CREB5: variants seen among roughly 807,000 people sequenced by gnomAD.
CREB5 encodes cyclic AMP-responsive element-binding protein 5.
CREB5 carries 19 observed loss-of-function variants against 57.1 expected under a neutral mutation model. The ratio of observed to expected loss-of-function variants is 0.33; its 90% CI spans 0.23 to 0.49. CREB5 has a LOEUF of 0.49. CREB5 is among the 20% of genes least tolerant of loss of function. The pLI is 0.99. For synonymous variants in CREB5, 238 were observed against 238.3 expected, an observed-to-expected ratio of 1.00 and a Z score of 0.01; for missense variants, 579 against 671.6, an observed-to-expected ratio of 0.86 and a Z score of 1.52.
chr7:28,711,964 T>C (rs908025687), intron 5 of CREB5, among the ~76,000 whole-genome samples: 1 of 152,188 alleles, frequency 6.6e-6, no homozygotes, highest in African/African-American at 2.4e-5. Flanking sequence ...TTTAGTATAT[T>C]CAACTGCTCA....
At chr7:28,797,960 G>GAA (rs59850606) in intron 7 of CREB5, among the ~76,000 whole-genome samples, 141 of 149,236 alleles carry the variant, frequency 9.4e-4, no homozygotes, top group Middle Eastern at 3.4e-3. Flanking sequence ...TTTGGAAAGT[G>GAA]AAAAAAAAAA....
chr7:28,703,402 G>A (rs1374825233), intron 5 of CREB5, among the ~76,000 whole-genome samples: 1 of 152,090 alleles, frequency 6.6e-6, no homozygotes, highest in Non-Finnish European at 1.5e-5. Flanking sequence ...GAAATATGAG[G>A]GGAAAGATCT....
At chr7:28,569,609 C>T (rs1433652411) in intron 4 of CREB5, among the ~76,000 whole-genome samples, 1 of 152,128 alleles carries the variant, frequency 6.6e-6, no homozygotes, top group African/African-American at 2.4e-5. Flanking sequence ...TGTGGAATGC[C>T]TACTATGGTC....
chr7:28,767,044 A>C (rs1806043394), intron 7 of CREB5, among the ~76,000 whole-genome samples: 1 of 152,236 alleles, frequency 6.6e-6, no homozygotes. Flanking sequence ...TTGTTTTAAC[A>C]AAGAGTAATA....
chr7:28,624,752 T>C (rs1306746243), intron 5 of CREB5, among the ~76,000 whole-genome samples: 2 of 151,396 alleles, frequency 1.3e-5, no homozygotes, highest in African/African-American at 4.9e-5. Context: ...CTCGCTGAAC[T>C]TCTGTTAATT....
At chr7:28,323,072 T>C (rs756035520) in intron 1 of CREB5, among the ~76,000 whole-genome samples, 6 of 152,178 alleles carry the variant, frequency 3.9e-5, no homozygotes, top group Non-Finnish European at 8.8e-5. Context: ...CCTCCCTTAG[T>C]GCCCTCATTT....
At chr7:28,815,724 C>T (rs1280655435) in intron 9 of CREB5, among the ~76,000 whole-genome samples, 1 of 151,894 alleles carries the variant, frequency 6.6e-6, no homozygotes, top group African/African-American at 2.4e-5. Flanking sequence ...GTTTCATTGC[C>T]CAGGACATAG....
intron 4 of CREB5, among the ~76,000 whole-genome samples, chr7:28,538,211 G>A (rs545058485): frequency 8.5e-5 from 13 of 152,104 alleles, no homozygotes; most frequent in East Asian, 1.9e-4. Context: ...TCCCCACCAC[G>A]CCCAGCTAAT....
chr7:28,327,148 CAAA>C (rs751999998), intron 1 of CREB5, among the ~76,000 whole-genome samples: 2 of 69,224 alleles, frequency 2.9e-5, no homozygotes, highest in African/African-American at 5.6e-5. Context: ...GACTCCATCT[CAAA>C]AAAAAAAAAA....
chr7:28,491,583 A>G (rs957001239), intron 2 of CREB5, among the ~76,000 whole-genome samples: 2 of 152,244 alleles, frequency 1.3e-5, no homozygotes, highest in Admixed American at 6.5e-5. Context: ...CCCCCACTTC[A>G]GATTTAAATG....
intron 1 of CREB5, among the ~76,000 whole-genome samples, chr7:28,306,541 G>GTTTTTTTTTTTTTTTTTTTTT (rs199561235): frequency 4.5e-5 from 2 of 44,458 alleles, no homozygotes; most frequent in African/African-American, 1.5e-4. Flanking sequence ...TACAGATACA[G>GTTTTTTTTTTTTTTTTTTTTT]TTTTGTTTTT....
chr7:28,409,827 T>A (rs1208263935), upstream of CREB5: 1 of 451,370 alleles, frequency 2.2e-6, no homozygotes, highest in East Asian at 7.2e-5. The surrounding 1 kb of genome is among the most constrained non-coding windows in gnomAD (Gnocchi z 4.4). Context: ...CGTGCGTGCG[T>A]GTGTGGGAGC....
At chr7:28,693,169 A>G (rs1801365344) in intron 5 of CREB5, among the ~76,000 whole-genome samples, 1 of 152,232 alleles carries the variant, frequency 6.6e-6, no homozygotes. Flanking sequence ...CCATCTGAAT[A>G]ACTAAAATAG....
At chr7:28,346,117 T>C (rs901290374) in intron 1 of CREB5, among the ~76,000 whole-genome samples, 3 of 152,146 alleles carry the variant, frequency 2.0e-5, no homozygotes, top group African/African-American at 7.2e-5. Flanking sequence ...GCTCTTGTGA[T>C]CAACACCTGT....
chr7:28,408,760 G>A (rs140427636), upstream of CREB5, among the ~76,000 whole-genome samples: 1,928 of 152,210 alleles, frequency 0.013, 28 homozygotes, highest in African/African-American at 0.033. Context: ...CCTGGAGGAG[G>A]TGAGATGAGG....
At position 28,727,463 on chromosome 7, in the gene CREB5, G is replaced by A. The variant is rs543652222; in HGVS notation, c.702+3131G>A. On this transcript the variant is annotated intron_variant, in intron 7 of 10. Transcript: ENST00000357727. ...ACATTCAAAGGGGAAAAGGAGGAAA[G>A]GAAGGGGTAGGGGAAATGCAAACCA... Among the ~76,000 whole-genome samples, 3 of 152,218 alleles carry A rather than the reference G, an allele frequency of 2.0e-5. No individual in the cohort carries two copies. In the East Asian group the frequency reaches 5.9e-4, roughly 30 times the overall value.
chr7:28,570,293 C>T, intron 4 of CREB5, 72 bp from the exon 5 acceptor site: 5 of 1,510,302 alleles, frequency 3.3e-6, no homozygotes, highest in Non-Finnish European at 4.5e-6. Flanking sequence ...CCAGTTTTGG[C>T]CTTTGAGAGC....
intron 7 of CREB5, among the ~76,000 whole-genome samples, chr7:28,761,291 A>C (rs1805632032): frequency 1.3e-5 from 2 of 152,234 alleles, no homozygotes; most frequent in Admixed American, 1.3e-4. Flanking sequence ...GCTGCTCACC[A>C]GCGATGGACC....
chr7:28,697,005 A>G (rs1801610497), intron 5 of CREB5, among the ~76,000 whole-genome samples: 1 of 152,008 alleles, frequency 6.6e-6, no homozygotes, highest in South Asian at 2.1e-4. Context: ...GGAAATATAT[A>G]CATGTGTATA....
Sources: gnomAD v4.1 joint callset for allele counts (sites outside exome capture counted in the v4.1 genomes callset) on GRCh38, gnomAD v4.1.1 for gene constraint, Gnocchi (gnomAD v3.1) non-coding constraint, MANE v1.5 for transcripts, NCBI Gene and HGNC (gene_info 2026-07-23, HGNC 2026-07-21) for gene names.